CIMIP2A: variants seen among roughly 807,000 people sequenced by gnomAD.
CIMIP2A encodes ciliary microtubule inner protein 2A, also known as family with sequence similarity 166 member A.
the CIMIP2A span, chr9:137,251,701 C>T: frequency 1.7e-4 from 260 of 1,548,692 alleles, 1 homozygote; most frequent in South Asian, 1.1e-3. Flanking sequence ...TGGGAGCGGC[C>T]GGGGGCTGAG....
the CIMIP2A span, chr9:137,251,847 A>C: frequency 6.2e-7 from 1 of 1,606,928 alleles, no homozygotes; most frequent in Non-Finnish European, 8.5e-7. Flanking sequence ...ACAGACGGGC[A>C]CCCCCCAGGA....
the CIMIP2A span, among the ~76,000 whole-genome samples, chr9:137,254,558 A>C: frequency 5.9e-5 from 9 of 152,264 alleles, no homozygotes; most frequent in Non-Finnish European, 1.3e-4. Flanking sequence ...AAGGAAGAGC[A>C]AGAGTTTGCT....
chr9:137,244,244 A>C, the CIMIP2A span: 1 of 1,613,866 alleles, frequency 6.2e-7, no homozygotes, highest in Non-Finnish European at 8.5e-7. Flanking sequence ...AGTGTGTTCC[A>C]GGCAGCTTCT....
the CIMIP2A span, among the ~76,000 whole-genome samples, chr9:137,246,143 A>T: frequency 6.6e-6 from 1 of 152,214 alleles, no homozygotes; most frequent in Non-Finnish European, 1.5e-5. Context: ...CCCACCCCTC[A>T]TTCCAACTGC....
chr9:137,247,029 T>C, the CIMIP2A span, among the ~76,000 whole-genome samples: 1 of 152,156 alleles, frequency 6.6e-6, no homozygotes, highest in African/African-American at 2.4e-5. Context: ...CTTAAGCCTG[T>C]CATCCCAGCA....
chr9:137,245,280 C>A, the CIMIP2A span: 1 of 1,578,160 alleles, frequency 6.3e-7, no homozygotes, highest in South Asian at 1.2e-5. Context: ...GCGGAATGGG[C>A]TTGGCACTGG....
the CIMIP2A span, chr9:137,244,853 C>A: frequency 2.2e-5 from 35 of 1,564,718 alleles, no homozygotes; most frequent in African/African-American, 2.7e-5. Flanking sequence ...GTTCCCTGAA[C>A]GTTGGCGACT....
the CIMIP2A span, among the ~76,000 whole-genome samples, chr9:137,247,251 T>C: frequency 1.3e-5 from 2 of 152,160 alleles, no homozygotes; most frequent in African/African-American, 4.8e-5. Flanking sequence ...CACCATTGCA[T>C]TCCAGCCTGG....
At chr9:137,244,728 C>T in the CIMIP2A span, 1 of 1,613,174 alleles carries the variant, frequency 6.2e-7, no homozygotes, top group Non-Finnish European at 8.5e-7. Context: ...GGAATGAAGC[C>T]AGCATAGCCT....
chr9:137,253,271 C>A, the CIMIP2A span: 277 of 1,592,440 alleles, frequency 1.7e-4, 1 homozygote, highest in African/African-American at 2.7e-3. Flanking sequence ...ACCTGCTTGG[C>A]CCGGCCACCG....
At chr9:137,245,349 C>T in the CIMIP2A span, 7 of 1,605,908 alleles carry the variant, frequency 4.4e-6, no homozygotes, top group Admixed American at 6.7e-5. Context: ...TGGCGCTCTT[C>T]CAGGCCTCTT....
chr9:137,250,007 G>A, the CIMIP2A span, among the ~76,000 whole-genome samples: 2 of 152,200 alleles, frequency 1.3e-5, no homozygotes, highest in African/African-American at 4.8e-5. Context: ...GGCCTTCTTG[G>A]GATGGAGCTC....
the CIMIP2A span, chr9:137,253,432 TC>T: frequency 6.9e-7 from 1 of 1,442,770 alleles, no homozygotes; most frequent in Non-Finnish European, 9.1e-7. Context: ...CCAGCCTGGA[TC>T]CCCCATCTGC....
chr9:137,244,765 C>T, the CIMIP2A span: 3 of 1,606,788 alleles, frequency 1.9e-6, no homozygotes, highest in East Asian at 2.2e-5. Flanking sequence ...ACGGGCTACC[C>T]CAAGCCCCCT....
At chr9:137,253,939 C>A in the CIMIP2A span, among the ~76,000 whole-genome samples, 2 of 152,188 alleles carry the variant, frequency 1.3e-5, no homozygotes, top group African/African-American at 4.8e-5. Context: ...TGGCCCAGGG[C>A]CCTGCAGACT....
At chr9:137,245,251 A>T in the CIMIP2A span, 2 of 1,577,306 alleles carry the variant, frequency 1.3e-6, no homozygotes, top group Non-Finnish European at 1.7e-6. Context: ...GTCACGGTGC[A>T]GCTCCCACCT....
chr9:137,249,034 T>C, the CIMIP2A span, among the ~76,000 whole-genome samples: 1 of 152,020 alleles, frequency 6.6e-6, no homozygotes, highest in Admixed American at 6.6e-5. Flanking sequence ...TTTTTTGTAT[T>C]TTTAGTAGAG....
the CIMIP2A span, chr9:137,252,653 C>A: frequency 6.5e-7 from 1 of 1,538,672 alleles, no homozygotes; most frequent in East Asian, 2.5e-5. Context: ...GTCTCCTACC[C>A]CCTCGCAGTG....
the CIMIP2A span, chr9:137,243,869 T>A: frequency 4.8e-6 from 7 of 1,464,050 alleles, no homozygotes. Context: ...TTCAGAGAAG[T>A]GTGGGGCTGC....
Sources: gnomAD v4.1 joint callset for allele counts (sites outside exome capture counted in the v4.1 genomes callset) on GRCh38, gnomAD v4.1.1 for gene constraint, MANE v1.5 for transcripts, NCBI Gene and HGNC (gene_info 2026-07-23, HGNC 2026-07-21) for gene names.